Variants in RBFOX1 observed in about 807,000 individuals in gnomAD.
The protein encoded by RBFOX1 is RNA binding protein fox-1 homolog 1.
A neutral mutation model predicts 57.7 loss-of-function variants in RBFOX1; 8 were observed. The observed-to-expected ratio is 0.14, with a 90% CI of 0.08 to 0.25. The LOEUF is 0.25. Ranked by LOEUF, RBFOX1 falls within the 10% of genes least tolerant of loss-of-function variation. The pLI is 1.00. For synonymous variants in RBFOX1, 326 were observed against 222.4 expected, an observed-to-expected ratio of 1.47 and a Z score of -4.15; for missense variants, 611 against 548.5, an observed-to-expected ratio of 1.11 and a Z score of -1.14.
At chr16:6,613,923 G>A (rs989365687) in intron 2 of RBFOX1, among the ~76,000 whole-genome samples, 4 of 152,180 alleles carry the variant, frequency 2.6e-5, no homozygotes, top group Admixed American at 2.6e-4. Flanking sequence ...GGGCGACAGA[G>A]TGTGACTCAG....
chr16:6,882,887 A>G (rs1036297399), intron 3 of RBFOX1, among the ~76,000 whole-genome samples: 6 of 151,840 alleles, frequency 4.0e-5, no homozygotes, highest in South Asian at 2.1e-4. Flanking sequence ...CTCTGTTCCT[A>G]TTTTCCATTA....
intron 4 of RBFOX1, among the ~76,000 whole-genome samples, chr16:7,254,449 C>G (rs1167294500): frequency 1.3e-5 from 2 of 152,092 alleles, no homozygotes; most frequent in African/African-American, 4.8e-5. Flanking sequence ...ATTAAACAAG[C>G]TGCGGTCTCT....
chr16:6,858,829 A>G (rs1483377559), intron 3 of RBFOX1, among the ~76,000 whole-genome samples: 3 of 152,052 alleles, frequency 2.0e-5, no homozygotes, highest in Non-Finnish European at 4.4e-5. Context: ...GGTTAGAAGT[A>G]TAATCTTCAA....
At chr16:6,151,563 G>C (rs559332551) in intron 1 of RBFOX1, among the ~76,000 whole-genome samples, 2 of 152,228 alleles carry the variant, frequency 1.3e-5, no homozygotes, top group Non-Finnish European at 2.9e-5. Flanking sequence ...TGGGGTTACA[G>C]GAGTGAGCCA....
intron 1 of RBFOX1, among the ~76,000 whole-genome samples, chr16:5,275,848 A>T (rs184541716): frequency 6.6e-6 from 1 of 152,350 alleles, no homozygotes; most frequent in Non-Finnish European, 1.5e-5. Flanking sequence ...CACATGACCA[A>T]TGGAACAGAG....
At chr16:6,677,419 G>C (rs2057921543) in intron 3 of RBFOX1, among the ~76,000 whole-genome samples, 1 of 152,106 alleles carries the variant, frequency 6.6e-6, no homozygotes, top group South Asian at 2.1e-4. Context: ...TATTTTATTA[G>C]TCTAAGATCC....
At chr16:6,339,823 A>G (rs998957888) in intron 2 of RBFOX1, among the ~76,000 whole-genome samples, 12 of 151,800 alleles carry the variant, frequency 7.9e-5, no homozygotes, top group Admixed American at 5.2e-4. Flanking sequence ...GGTGCCTGCC[A>G]CCATGCCCAG....
intron 2 of RBFOX1, among the ~76,000 whole-genome samples, chr16:6,413,530 C>G (rs954160621): frequency 6.6e-6 from 1 of 152,100 alleles, no homozygotes; most frequent in Non-Finnish European, 1.5e-5. Context: ...TTGCAAATGA[C>G]TGTTTGCCAT....
intron 4 of RBFOX1, among the ~76,000 whole-genome samples, chr16:7,118,900 T>C (rs1374610227): frequency 1.3e-5 from 2 of 152,160 alleles, no homozygotes; most frequent in Non-Finnish European, 2.9e-5. Flanking sequence ...TTAACTGTTG[T>C]TGTTCTGGTT....
At chr16:7,225,919 T>TGTATATATATATATATATATAA (rs2093078461) in intron 4 of RBFOX1, among the ~76,000 whole-genome samples, 8 of 142,160 alleles carry the variant, frequency 5.6e-5, no homozygotes, top group African/African-American at 2.2e-4. Flanking sequence ...TATATATATA[T>TGTATATATATATATATATATAA]AAATGTGAAT....
rs2095826202 is a variant in RBFOX1, at chr16:6,498,250, T to TAAA, written c.-63-156353_-63-156352insAAA. On this transcript the variant is annotated intron_variant, in intron 2 of 15. Transcript: ENST00000550418. The stretch of plus-strand genomic sequence containing the variant: ...CTGGGTGACAGAGAGGAACTCCGTC[T>TAAA]CAAAACAAAAAAAAAAAAAAGGATG... Among the ~76,000 whole-genome samples, 5 of 90,100 alleles carry TAAA rather than the reference T, an allele frequency of 5.5e-5. No individual in the cohort carries two copies. In the South Asian group the frequency reaches 2.7e-3, roughly 49 times the overall value. The allele number at this position is 90,100 out of a possible 152,430, so 59.1% of individuals were successfully genotyped here.
intron 3 of RBFOX1, among the ~76,000 whole-genome samples, chr16:6,973,734 G>T (rs1424757482): frequency 2.0e-5 from 3 of 151,976 alleles, no homozygotes; most frequent in Non-Finnish European, 4.4e-5. Context: ...TTAAGTTTTG[G>T]CGAGCATAAC....
intron 1 of RBFOX1, among the ~76,000 whole-genome samples, chr16:6,298,378 C>A (rs576805307): frequency 1.3e-5 from 2 of 152,332 alleles, no homozygotes; most frequent in East Asian, 3.9e-4. Context: ...TCACTCACAG[C>A]TCCCCAAGTA....
At chr16:6,512,277 C>T (rs575767373) in intron 2 of RBFOX1, among the ~76,000 whole-genome samples, 2 of 29,924 alleles carry the variant, frequency 6.7e-5, no homozygotes, top group African/African-American at 2.0e-4. Context: ...GAGCAAGACC[C>T]TGTATCAAAA....
At chr16:5,873,714 T>G (rs1353651495) in intron 4 of RBFOX1, among the ~76,000 whole-genome samples, 1 of 152,252 alleles carries the variant, frequency 6.6e-6, no homozygotes, top group Non-Finnish European at 1.5e-5. Context: ...TGAGGACTGA[T>G]GTTGTCAATA....
In RBFOX1 at chr16:5,300,064, T is replaced by G. The variant is rs377318098; in HGVS notation, c.219+59959T>G. Among the ~76,000 whole-genome samples the G allele has an allele frequency of 2.6e-4, 40 of 151,348 alleles. No individual in the cohort carries two copies. The Middle Eastern group carries it at 0.01, about 39-fold the overall frequency. ...GGGCATATATTGAGAAAATTGTAAG[T>G]TTTTTTTTCCCTTTTTTCTCTTAGT... On this transcript the variant is annotated intron_variant, in intron 1 of 2. Coordinates refer to the RBFOX1 transcript ENST00000585867.
At chr16:6,724,888 A>T (rs554433907) in intron 3 of RBFOX1, among the ~76,000 whole-genome samples, 2 of 152,182 alleles carry the variant, frequency 1.3e-5, no homozygotes, top group South Asian at 4.2e-4. Flanking sequence ...CCCCAAAGCC[A>T]TATAGGGTAA....
chr16:6,650,869 T>C (rs751779554), intron 2 of RBFOX1, among the ~76,000 whole-genome samples: 15 of 152,166 alleles, frequency 9.9e-5, no homozygotes, highest in African/African-American at 1.4e-4. Context: ...TTAACCACAA[T>C]GGAGTCCCTA....
chr16:7,107,080 G>C (rs2063749895), intron 4 of RBFOX1, among the ~76,000 whole-genome samples: 2 of 152,034 alleles, frequency 1.3e-5, no homozygotes, highest in African/African-American at 4.8e-5. Context: ...ATAAGGAACT[G>C]ATATTTAAGC....
Sources: allele counts gnomAD v4.1 joint callset (sites outside exome capture counted in the v4.1 genomes callset), GRCh38; gene constraint gnomAD v4.1.1; transcripts MANE v1.5; gene names NCBI Gene and HGNC (gene_info 2026-07-23, HGNC 2026-07-21).